ATOSB: variants seen among roughly 807,000 people sequenced by gnomAD.
ATOSB encodes the protein atos homolog protein B.
the ATOSB span, chr9:35,108,456 T>C: frequency 3.7e-6 from 5 of 1,363,806 alleles, no homozygotes; most frequent in South Asian, 6.4e-5. Flanking sequence ...CTTTGATGGG[T>C]TCCCAAGGAT....
At chr9:35,113,391 C>T in the ATOSB span, among the ~76,000 whole-genome samples, 2 of 152,098 alleles carry the variant, frequency 1.3e-5, no homozygotes, top group South Asian at 4.1e-4. Flanking sequence ...TTTGGGAGGC[C>T]AAAGTGGGCG....
the ATOSB span, among the ~76,000 whole-genome samples, chr9:35,114,156 C>T: frequency 2.0e-5 from 3 of 152,210 alleles, no homozygotes; most frequent in Non-Finnish European, 2.9e-5. Context: ...GCTATATCCT[C>T]CAGTCTCAGC....
chr9:35,108,150 G>A, the ATOSB span: 12 of 1,577,474 alleles, frequency 7.6e-6, no homozygotes, highest in Middle Eastern at 1.7e-4. Flanking sequence ...GGGGGATGTC[G>A]CCCCCCCTGC....
the ATOSB span, chr9:35,105,562 C>T: frequency 9.2e-7 from 1 of 1,092,846 alleles, no homozygotes; most frequent in Non-Finnish European, 1.3e-6. This position sits in a 1 kb window ranked among gnomAD's most constrained non-coding sequence, Gnocchi z 5.5. Context: ...TATGTACATA[C>T]ATACATAAAA....
the ATOSB span, chr9:35,105,575 TTAAAAA>T: frequency 8.0e-7 from 1 of 1,251,890 alleles, no homozygotes; most frequent in South Asian, 1.5e-5. The surrounding 1 kb of genome is among the most constrained non-coding windows in gnomAD (Gnocchi z 5.5). Context: ...ACATAAAAAT[TTAAAAA>T]TAAACTAAGC....
chr9:35,113,808 A>G, the ATOSB span, among the ~76,000 whole-genome samples: 14 of 152,066 alleles, frequency 9.2e-5, no homozygotes, highest in African/African-American at 3.4e-4. Flanking sequence ...CCATGAGAGC[A>G]GCAACTTTGT....
At chr9:35,106,055 C>T in the ATOSB span, 2 of 1,584,980 alleles carry the variant, frequency 1.3e-6, no homozygotes, top group Non-Finnish European at 1.7e-6. The surrounding 1 kb of genome is among the most constrained non-coding windows in gnomAD (Gnocchi z 4.6). Context: ...CTAGGAAAAC[C>T]CTGGGCCCTA....
the ATOSB span, chr9:35,107,319 C>CAA: frequency 0.011 from 12,988 of 1,145,024 alleles, no homozygotes; most frequent in South Asian, 0.019. Flanking sequence ...GATCCCATCT[C>CAA]AAAAAAAAAA....
chr9:35,105,064 C>G, the ATOSB span: 1 of 780,586 alleles, frequency 1.3e-6, no homozygotes, highest in East Asian at 3.1e-5. The surrounding 1 kb of genome is among the most constrained non-coding windows in gnomAD (Gnocchi z 5.5). Context: ...TAGTAAGAAT[C>G]AGAAGCTTTA....
At chr9:35,105,405 A>G in the ATOSB span, 2 of 1,587,864 alleles carry the variant, frequency 1.3e-6, no homozygotes, top group East Asian at 4.5e-5. This position sits in a 1 kb window ranked among gnomAD's most constrained non-coding sequence, Gnocchi z 5.5. Context: ...CAACGTAAGA[A>G]TCCAGGCTGG....
chr9:35,113,039 C>T, the ATOSB span, among the ~76,000 whole-genome samples: 1 of 152,120 alleles, frequency 6.6e-6, no homozygotes, highest in Admixed American at 6.5e-5. Flanking sequence ...ACTTCCTTGC[C>T]GGTTCCCTAG....
chr9:35,111,598 C>G, the ATOSB span: 2 of 152,138 alleles, frequency 1.3e-5, no homozygotes, highest in Non-Finnish European at 1.5e-5. Flanking sequence ...TGGGGCCGCC[C>G]GCCCCGCCCA....
At chr9:35,105,325 G>A in the ATOSB span, 10 of 1,614,008 alleles carry the variant, frequency 6.2e-6, no homozygotes, top group Non-Finnish European at 8.5e-6. This position sits in a 1 kb window ranked among gnomAD's most constrained non-coding sequence, Gnocchi z 5.5. Flanking sequence ...GAAAAAAGCA[G>A]GCGGATATCT....
the ATOSB span, chr9:35,115,589 AG>A: frequency 1.1e-5 from 1 of 94,722 alleles, no homozygotes; most frequent in African/African-American, 4.2e-5. Context: ...AGACAGAGAC[AG>A]CCCCCTCACA....
At chr9:35,106,312 C>T in the ATOSB span, 4,371 of 1,614,128 alleles carry the variant, frequency 2.7e-3, 51 homozygotes, top group African/African-American at 0.026. The surrounding 1 kb of genome is among the most constrained non-coding windows in gnomAD (Gnocchi z 4.6). Flanking sequence ...TGACAGGCAG[C>T]GTGACGTGCT....
At chr9:35,107,332 A>C in the ATOSB span, 1 of 1,545,608 alleles carries the variant, frequency 6.5e-7, no homozygotes, top group Admixed American at 2.1e-5. Flanking sequence ...AAAAAAAAAA[A>C]AAAAAAAAAA....
the ATOSB span, among the ~76,000 whole-genome samples, chr9:35,115,315 C>T: frequency 6.6e-6 from 1 of 152,048 alleles, no homozygotes; most frequent in Non-Finnish European, 1.5e-5. Context: ...GGCCTCTTCA[C>T]CCCACTAACC....
the ATOSB span, chr9:35,107,807 G>A: frequency 5.0e-6 from 8 of 1,584,446 alleles, no homozygotes; most frequent in Non-Finnish European, 6.9e-6. Context: ...AGTCTCTGGT[G>A]TGCAAAGTAT....
At chr9:35,113,818 T>C in the ATOSB span, among the ~76,000 whole-genome samples, 1 of 152,106 alleles carries the variant, frequency 6.6e-6, no homozygotes, top group Non-Finnish European at 1.5e-5. Flanking sequence ...AGCAACTTTG[T>C]TTCGTTCATG....
Sources: allele counts gnomAD v4.1 joint callset (sites outside exome capture counted in the v4.1 genomes callset), GRCh38; gene constraint gnomAD v4.1.1; non-coding constraint Gnocchi (gnomAD v3.1); transcripts MANE v1.5; gene names NCBI Gene and HGNC (gene_info 2026-07-23, HGNC 2026-07-21).